Variants in ZAN observed in about 807,000 individuals in gnomAD.
The protein encoded by ZAN is zonadhesin, also known as zonadhesin (gene/pseudogene).
Under a neutral mutation model 286.2 loss-of-function variants are expected in ZAN, and 260 were observed. That is an observed-to-expected ratio of 0.91 (90% CI 0.82 to 1.01). The LOEUF (loss-of-function observed/expected upper bound fraction) is 1.01. ZAN is among the 50% of genes least tolerant of loss of function. ZAN has a pLI of 0.00. For missense variants in ZAN, 3,410 were observed against 3,639.2 expected, an observed-to-expected ratio of 0.94 and a Z score of 1.62; for synonymous variants, 1,368 against 1,417.5, an observed-to-expected ratio of 0.97 and a Z score of 0.79.
At chr7:100,749,450 C>G (rs1051804500) in intron 11 of ZAN, among the ~76,000 whole-genome samples, 3 of 150,292 alleles carry the variant, frequency 2.0e-5, no homozygotes, top group East Asian at 2.0e-4. Context: ...ACCATCCTGG[C>G]TAACACGGTG....
At position 100,797,710 on chromosome 7, in the gene ZAN, C is replaced by A; in HGVS notation, c.8417C>A (p.Thr2806Asn). The A allele has an allele frequency of 6.2e-7, 1 of 1,613,994 alleles. No individual in the cohort carries two copies. The highest frequency in any genetic ancestry group is 8.5e-7 in the Non-Finnish European group (1 of 1,179,886). The change falls in exon 48 of 48, where the codon ACT becomes AAT. Residue 2806 changes from threonine to asparagine, a missense_variant. Physicochemically the swap from Thr to Asn is moderately conservative, Grantham distance 65. Transcript: ENST00000613979. The stretch of plus-strand genomic sequence containing the variant: ...GGTTTTCTTGCTTTCTCCTCAGATA[C>A]TGTTCTGGACTGTGCCTGTTAAGTT... The part of the protein sequence containing the change: ...DRLARLVDTD[T>N]VLDCAC
intron 13 of ZAN, 95 bp from the exon 14 acceptor site, chr7:100,751,617 A>G: frequency 7.3e-7 from 1 of 1,367,136 alleles, no homozygotes; most frequent in Non-Finnish European, 9.8e-7. Flanking sequence ...GGTGTGAATA[A>G]GCCACCCATG....
chr7:100,791,988 G>A lies in ZAN; in HGVS notation c.7552G>A (p.Gly2518Arg), dbSNP rs1195641765. 1.9e-6 allele frequency: 3 copies of A among 1,613,090 alleles called. No homozygotes were observed. The highest frequency in any genetic ancestry group is 2.5e-6 in the Non-Finnish European group (3 of 1,179,664). ...FPRAIPAEEEGQGAELGLRTG... is the reference protein window; with the variant it reads ...FPRAIPAEEERQGAELGLRTG... Reference sequence around the variant, plus strand: ...CAGGGCTATACCAGCGGAGGAGGAGGGACAAGGGGCGGAGCTGGGCCTCCG... The same window carrying A: ...CAGGGCTATACCAGCGGAGGAGGAGAGACAAGGGGCGGAGCTGGGCCTCCG... Residue 2518 changes from glycine to arginine, a missense_variant, in exon 41 of 48, where the codon GGA (glycine) becomes AGA (arginine). Transcript: ENST00000613979.
Position 100,788,244 on chromosome 7 carries a change from G to A in ZAN, c.7227+108G>A, listed in dbSNP as rs991503571. 8.0e-6 allele frequency: 11 copies of A among 1,378,892 alleles called. No homozygotes were observed. In the African/African-American group the frequency reaches 1.6e-4, roughly 20 times the overall value. The allele number at this position is 1,378,892 out of a possible 1,614,324, so 85.4% of individuals were successfully genotyped here. A position where few individuals can be genotyped will look rare whatever the true frequency, so the allele number is the denominator to read the frequency against. On this transcript the variant is annotated intron_variant, in intron 38 of 47. Transcript: ENST00000613979. ...GTTCCCTGGGATGTTTGTGGCAGGG[G>A]TGGGCTGGTTGTAAAATCAGAGTCA...
chr7:100,789,667 G>A lies in ZAN; in HGVS notation c.7357+320G>A, dbSNP rs115901706. Among the ~76,000 whole-genome samples the A allele has an allele frequency of 8.7e-3, 1,327 of 152,098 alleles. 23 individuals carry two copies. Among genetic ancestry groups the A allele is most frequent in the African/African-American group, 0.03 (1,233 of 41,516 alleles). ...CTCTACAAAAAAAATTTTAAAGGCCGTGCACAGTGGCTCACGCCTGTAATC... is the reference window on the plus strand; with the variant it reads ...CTCTACAAAAAAAATTTTAAAGGCCATGCACAGTGGCTCACGCCTGTAATC... On this transcript the variant is annotated intron_variant, in intron 39 of 47. Transcript: ENST00000613979.
rs1450148857 is a variant in ZAN at position 100,743,276 on chromosome 7, C to T, written c.767-3262C>T. Among the ~76,000 whole-genome samples the T allele has an allele frequency of 2.0e-5, 3 of 152,040 alleles. No homozygotes were observed. The East Asian group carries it at 5.8e-4, about 29-fold the overall frequency. ...CTGACCTCGTGATCCACCCACTTGGCCTCCCAAAATGCTGGGATTACAAGC... is the reference window on the plus strand; with the variant it reads ...CTGACCTCGTGATCCACCCACTTGGTCTCCCAAAATGCTGGGATTACAAGC... On this transcript the variant is annotated intron_variant, in intron 7 of 47. Coordinates refer to ENST00000613979, the MANE Select transcript of ZAN (RefSeq NM_003386.3).
rs1164378417 is a variant in ZAN at position 100,761,945 on chromosome 7, A to AGGAT, written c.3843-269_3843-266dup. On this transcript the variant is annotated intron_variant, in intron 19 of 47. Transcript: ENST00000613979. ...CGGAGAGAGACTCCATCTGAAAAAA[A>AGGAT]GGATAAATAAATAAATAAATAAATA... Among the ~76,000 whole-genome samples, 13 of 147,276 alleles carry AGGAT rather than the reference A, an allele frequency of 8.8e-5. No individual in the cohort carries two copies. The South Asian group carries it at 1.3e-3, about 15-fold the overall frequency.
chr7:100,778,527 G>A lies in ZAN; in HGVS notation c.6318-919G>A, dbSNP rs79079706. On this transcript the variant is annotated intron_variant, in intron 34 of 47. Transcript: ENST00000613979. ...CAAGGCTGAGGTGGGACGATCCCTT[G>A]GGCCTGGGAGATTGAAGTTGCAGTG... 2.1e-3 allele frequency among the ~76,000 whole-genome samples: 323 copies of A among 152,142 alleles called. 1 individual carries two copies. Among genetic ancestry groups the A allele is most frequent in the African/African-American group, 7.5e-3 (311 of 41,514 alleles).
At chr7:100,766,930 C>T in intron 24 of ZAN, 80 bp from the exon 25 acceptor site, 1 of 1,575,664 alleles carries the variant, frequency 6.3e-7, no homozygotes. Context: ...CCAATGTGGG[C>T]TCTCCAGGAT....
chr7:100,757,392 G>T (rs1344959337), intron 15 of ZAN, among the ~76,000 whole-genome samples: 1 of 152,124 alleles, frequency 6.6e-6, no homozygotes, highest in Non-Finnish European at 1.5e-5. Context: ...ATGGGGTCTT[G>T]GTTTACTCCT....
intron 44 of ZAN, among the ~76,000 whole-genome samples, chr7:100,794,465 A>C (rs773322810): frequency 6.6e-6 from 1 of 152,116 alleles, no homozygotes; most frequent in African/African-American, 2.4e-5. Context: ...GTTCCTTCCC[A>C]TGATCTCCTT....
At chr7:100,797,028 T>G (rs953702152) in intron 45 of ZAN, among the ~76,000 whole-genome samples, 1 of 152,018 alleles carries the variant, frequency 6.6e-6, no homozygotes, top group African/African-American at 2.4e-5. Context: ...TCCCAGCTAC[T>G]TGGAAAGCAG....
rs869138443 is a variant in ZAN at position 100,762,419 on chromosome 7, CTTTTT to C, written c.3986+81_3986+85del. 3.7e-3 allele frequency: 3,742 copies of C among 1,014,678 alleles called. 2 individuals carry two copies. Among genetic ancestry groups the C allele is most frequent in the East Asian group, 9.8e-3 (210 of 21,422 alleles). 62.9% of individuals were successfully genotyped at this position (1,014,678 alleles called of 1,614,324 possible). A position where few individuals can be genotyped will look rare whatever the true frequency, so the allele number is the denominator to read the frequency against. On this transcript the variant is annotated intron_variant, in intron 20 of 47. Transcript: ENST00000613979. ...GGTTCCGTCCCCTTCCTGGAACTCT[CTTTTT>C]TTTTTTTTTTTTTTTTTTTGAGATG...
At position 100,755,294 on chromosome 7, in the gene ZAN, A is replaced by C; in HGVS notation, c.3193A>C (p.Ser1065Arg). 6.2e-7 allele frequency: 1 copy of C among 1,613,888 alleles called. No homozygotes were observed. The highest frequency in any genetic ancestry group is 8.5e-7 in the Non-Finnish European group (1 of 1,179,868). ...CPASCKSPRP[S>R]CGPLCREGCV... ...TGCTTCGTGCAAGAGCCCCAGGCCT[A>C]GCTGTGGGCCCCTCTGTCGGGAGGG... The change falls in exon 15 of 48, where the codon AGC becomes CGC. Residue 1065 changes from serine (S) to arginine (R), a missense_variant. Around this residue, in one of 7 missense-constraint regions of ZAN, gnomAD observed 1,042 missense variants for 1,058.0 expected, o/e 0.98. Coordinates refer to ENST00000613979, the MANE Select transcript of ZAN (RefSeq NM_003386.3).
At chr7:100,743,893 T>A (rs1251913436) in intron 7 of ZAN, among the ~76,000 whole-genome samples, 1 of 150,954 alleles carries the variant, frequency 6.6e-6, no homozygotes, top group African/African-American at 2.4e-5. Flanking sequence ...AATAAATAAA[T>A]AAAAATAGAG....
chr7:100,776,634 C>CTG, intron 34 of ZAN, 70 bp downstream of exon 34: 3 of 1,125,244 alleles, frequency 2.7e-6, no homozygotes, highest in Non-Finnish European at 3.5e-6. Flanking sequence ...TTTCTGCCTT[C>CTG]CCTTCCCTTC....
At position 100,792,488 on chromosome 7, in the gene ZAN, T is replaced by C. The variant is rs369440444; in HGVS notation, c.7787+9T>C. On this transcript the variant is annotated intron_variant, in intron 42 of 47. Coordinates refer to ENST00000613979, the MANE Select transcript of ZAN (RefSeq NM_003386.3). ...TGCCAGGTCCTCAGTGGGTACGCCA[T>C]CCTCTGCCAGGAGGCGGGCGCTGCC... 6.2e-7 allele frequency: 1 copy of C among 1,613,728 alleles called. No individual in the cohort carries two copies. Among genetic ancestry groups the C allele is most frequent in the Non-Finnish European group, 8.5e-7 (1 of 1,179,864 alleles).
intron 7 of ZAN, among the ~76,000 whole-genome samples, chr7:100,739,347 C>T (rs1362498850): frequency 1.5e-5 from 2 of 137,776 alleles, no homozygotes; most frequent in Admixed American, 7.2e-5. Flanking sequence ...TACTGAGCAC[C>T]TACAATATGC....
In ZAN at chr7:100,749,681, CACACACATATATAT is replaced by C. The variant is rs1399200115; in HGVS notation, c.1250-928_1250-915del. On this transcript the variant is annotated intron_variant, in intron 11 of 47. Transcript: ENST00000613979. ...ATATATATATATATATATATACACA[CACACACATATATAT>C]ACACACATATATATATACACACACA... Among the ~76,000 whole-genome samples, 6 of 140,126 alleles carry C rather than the reference CACACACATATATAT, an allele frequency of 4.3e-5. No homozygotes were observed. In the East Asian group the frequency reaches 1.0e-3, roughly 24 times the overall value. 91.9% of individuals were successfully genotyped at this position (140,126 alleles called of 152,430 possible). A position where few individuals can be genotyped will look rare whatever the true frequency, so the allele number is the denominator to read the frequency against.
Sources: allele counts gnomAD v4.1 joint callset (sites outside exome capture counted in the v4.1 genomes callset), GRCh38; gene constraint gnomAD v4.1.1; regional missense constraint gnomAD v4.1.1; transcripts MANE v1.5; gene names NCBI Gene and HGNC (gene_info 2026-07-23, HGNC 2026-07-21).